The following ZNF614 variants were observed in gnomAD, a reference collection of about 807,000 sequenced individuals.
ZNF614 encodes zinc finger protein 614.
In ZNF614, 11 loss-of-function variants were observed where a neutral mutation model predicts 12.8. The ratio of observed to expected loss-of-function variants is 0.86; its 90% CI spans 0.54 to 1.43. The LOEUF (loss-of-function observed/expected upper bound fraction) is 1.43, where lower values mean the gene tolerates loss of function less well. ZNF614 is among the 40% of genes most tolerant of loss of function. The probability of loss-of-function intolerance (pLI) is 0.00; values close to 1 mark genes in which losing one functional copy is unlikely to be tolerated. For missense variants in ZNF614, 664 were observed against 708.8 expected, an observed-to-expected ratio of 0.94 and a Z score of 0.72; for synonymous variants, 237 against 237.5, an observed-to-expected ratio of 1.00 and a Z score of 0.02.
At chr19:52,023,092 G>GAA (rs60676118) in intron 2 of ZNF614, among the ~76,000 whole-genome samples, 1,843 of 104,784 alleles carry the variant, frequency 0.018, 40 homozygotes, top group African/African-American at 0.061. Flanking sequence ...AAAAAAAAAA[G>GAA]AAAAAAAAAA....
chr19:52,015,433 T>TA lies in ZNF614; in HGVS notation c.*406dup, dbSNP rs2086890109. 6.3e-6 allele frequency: 1 copy of TA among 158,462 alleles called. No homozygotes were observed. The highest frequency in any genetic ancestry group is 1.9e-4 in the South Asian group (1 of 5,384). The allele number at this position is 158,462 out of a possible 1,614,324, so 9.8% of individuals were successfully genotyped here. A position where few individuals can be genotyped will look rare whatever the true frequency, so the allele number is the denominator to read the frequency against. The stretch of plus-strand genomic sequence containing the variant: ...TGTTTCTATCAACAATAAGCTCACT[T>TA]ACGTTGAAATCTATGATGAAACCTG... On this transcript the variant is annotated 3_prime_UTR_variant, in exon 5 of 5. Transcript: ENST00000270649.
In ZNF614 at chr19:52,014,869, G is replaced by A. The variant is rs927978049; in HGVS notation, c.*971C>T. On this transcript the variant is annotated 3_prime_UTR_variant, in exon 5 of 5. Transcript: ENST00000270649. ...AATCAGGTGTAATTAAAAGGGCAGT[G>A]CTATGAATAACAACAACAGCAAAAA... 2 of 152,298 alleles carry A rather than the reference G, an allele frequency of 1.3e-5. No homozygotes were observed. The highest frequency in any genetic ancestry group is 3.9e-4 in the East Asian group (2 of 5,184). 9.4% of individuals were successfully genotyped at this position (152,298 alleles called of 1,614,324 possible).
Position 52,016,248 on chromosome 19 carries a change from T to C in ZNF614, c.1350A>G (p.Thr450=). 3.1e-6 allele frequency: 5 copies of C among 1,614,230 alleles called. No individual in the cohort carries two copies. The highest frequency in any genetic ancestry group is 1.6e-4 in the Middle Eastern group (1 of 6,062). The change falls in exon 5 of 5, where the codon ACA becomes ACG. Residue 450 remains threonine, a synonymous_variant. Coordinates refer to ENST00000270649, the MANE Select transcript of ZNF614 (RefSeq NM_025040.4). ...RTLIIHQRTH[T]GEKPYECNEC... ...CATTGCATTCATAGGGTTTTTCTCC[T>C]GTATGAGTTCGCTGATGTATAATAA...
Position 52,019,605 on chromosome 19 carries a change from T to C in ZNF614, c.16-1111A>G, listed in dbSNP as rs2086921890. 2.6e-5 allele frequency among the ~76,000 whole-genome samples: 4 copies of C among 152,222 alleles called. No individual in the cohort carries two copies. In the South Asian group the frequency reaches 8.3e-4, roughly 32 times the overall value. ...TTACCTACAAAGAAATAACAAAATA[T>C]ACTGATGGCTGACATTTCAATAATA... On this transcript the variant is annotated intron_variant, in intron 2 of 4. Transcript: ENST00000270649.
intron 2 of ZNF614, among the ~76,000 whole-genome samples, chr19:52,022,052 A>G (rs758953539): frequency 3.3e-5 from 5 of 152,242 alleles, no homozygotes; most frequent in South Asian, 2.1e-4. Flanking sequence ...ATAAGGCAAA[A>G]TAATACTGGA....
At chr19:52,026,062 C>T (rs2086970034) in intron 1 of ZNF614, 101 bp from the exon 2 acceptor site, 1 of 269,810 alleles carries the variant, frequency 3.7e-6, no homozygotes, top group Non-Finnish European at 7.1e-6. Flanking sequence ...ATATTTCTAA[C>T]AGTTCCTTTA....
chr19:52,016,767 A>G lies in ZNF614; in HGVS notation c.831T>C (p.His277=). 6.2e-7 allele frequency: 1 copy of G among 1,614,104 alleles called. No individual in the cohort carries two copies. Among genetic ancestry groups the G allele is most frequent in the Non-Finnish European group, 8.5e-7 (1 of 1,180,030 alleles). ...ATTTCTCTTCTGTATGGGTTTGTTGATGTGTAATGAGACTACTCTTCACAG... is the reference window on the plus strand; with the variant it reads ...ATTTCTCTTCTGTATGGGTTTGTTGGTGTGTAATGAGACTACTCTTCACAG... ...GSTVKSSLIT[H]QQTHTEEKSY... Residue 277 remains histidine (H), a synonymous_variant, in exon 5 of 5, where the codon CAT becomes CAC. Coordinates refer to ENST00000270649, the MANE Select transcript of ZNF614 (RefSeq NM_025040.4).
intron 2 of ZNF614, among the ~76,000 whole-genome samples, chr19:52,024,495 AAGAG>A (rs780409286): frequency 6.6e-6 from 1 of 152,266 alleles, no homozygotes; most frequent in Non-Finnish European, 1.5e-5. Context: ...GGGGAAAAGA[AAGAG>A]AGATCAGACT....
chr19:52,022,159 A>G (rs1179641210), intron 2 of ZNF614, among the ~76,000 whole-genome samples: 1 of 152,266 alleles, frequency 6.6e-6, no homozygotes, highest in Non-Finnish European at 1.5e-5. Flanking sequence ...TCCAACACTA[A>G]CAACCAATTC....
chr19:52,023,079 AAAAAAAAAAAAAG>A (rs1238390868), intron 2 of ZNF614, among the ~76,000 whole-genome samples: 2 of 142,078 alleles, frequency 1.4e-5, no homozygotes, highest in African/African-American at 2.7e-5. Context: ...ACGCCATCTC[AAAAAAAAAAAAAG>A]AAAAAAAAAA....
intron 4 of ZNF614, chr19:52,017,594 A>G (rs2086907371): frequency 2.3e-6 from 1 of 435,958 alleles, no homozygotes; most frequent in East Asian, 4.3e-5. Flanking sequence ...CCAGCTATTC[A>G]GGAGGCTGAG....
At chr19:52,020,372 A>C (rs2086925738) in intron 2 of ZNF614, among the ~76,000 whole-genome samples, 1 of 152,220 alleles carries the variant, frequency 6.6e-6, no homozygotes, top group African/African-American at 2.4e-5. Flanking sequence ...AAAATGACAC[A>C]AATCAGAATC....
chr19:52,024,550 T>C (rs1471885629), intron 2 of ZNF614, among the ~76,000 whole-genome samples: 5 of 152,304 alleles, frequency 3.3e-5, no homozygotes, highest in Non-Finnish European at 5.9e-5. Context: ...GTAAGAGACT[T>C]CATTTTGTTC....
intron 2 of ZNF614, among the ~76,000 whole-genome samples, chr19:52,025,346 G>C (rs939749880): frequency 6.6e-6 from 1 of 151,894 alleles, no homozygotes. Flanking sequence ...TTTGAGACAG[G>C]GTCTTACTTT....
chr19:52,021,898 A>G (rs2086935122), intron 2 of ZNF614, among the ~76,000 whole-genome samples: 1 of 152,242 alleles, frequency 6.6e-6, no homozygotes, highest in Admixed American at 6.5e-5. Context: ...TATCCAGTCA[A>G]GATAAACAAT....
intron 2 of ZNF614, among the ~76,000 whole-genome samples, chr19:52,020,498 T>G (rs558807988): frequency 1.3e-5 from 2 of 152,314 alleles, no homozygotes; most frequent in African/African-American, 4.8e-5. Context: ...CTACATTGTG[T>G]AACAATATTC....
chr19:52,016,209 G>A lies in ZNF614; in HGVS notation c.1389C>T (p.Ala463=). Residue 463 remains alanine, a synonymous_variant, in exon 5 of 5, where the codon GCC becomes GCT. Transcript: ENST00000270649. The part of the protein sequence containing the change: ...KPYECNECGK[A]FSQKICLIQH... ...GTATGAGGCATATTTTCTGGCTGAA[G>A]GCTTTACCACATTCATTGCATTCAT... The A allele has an allele frequency of 6.2e-7, 1 of 1,614,182 alleles. No individual in the cohort carries two copies. Among genetic ancestry groups the A allele is most frequent in the Non-Finnish European group, 8.5e-7 (1 of 1,180,026 alleles).
chr19:52,023,463 A>AG (rs2086948217), intron 2 of ZNF614, among the ~76,000 whole-genome samples: 1 of 152,142 alleles, frequency 6.6e-6, no homozygotes, highest in Non-Finnish European at 1.5e-5. Context: ...GAGTTTTTAT[A>AG]GAACTTACTC....
intron 2 of ZNF614, among the ~76,000 whole-genome samples, chr19:52,024,781 G>A (rs1196733977): frequency 6.6e-6 from 1 of 152,214 alleles, no homozygotes; most frequent in Non-Finnish European, 1.5e-5. Flanking sequence ...CACTGCAGAA[G>A]GCCACAGGGG....
Sources: gnomAD v4.1 joint callset for allele counts (sites outside exome capture counted in the v4.1 genomes callset) on GRCh38, gnomAD v4.1.1 for gene constraint, MANE v1.5 for transcripts, NCBI Gene and HGNC (gene_info 2026-07-23, HGNC 2026-07-21) for gene names.